The following EYS variants were observed in gnomAD, a reference collection of about 807,000 sequenced individuals.
The protein encoded by EYS is protein eyes shut homolog.
In EYS, 250 loss-of-function variants were observed where a neutral mutation model predicts 282.1. That is an observed-to-expected ratio of 0.89 (90% CI 0.80 to 0.98). The LOEUF (loss-of-function observed/expected upper bound fraction) is 0.98. EYS is among the 50% of genes least tolerant of loss of function. The probability of loss-of-function intolerance (pLI) is 0.00; values close to 1 mark genes in which losing one functional copy is unlikely to be tolerated. For missense variants in EYS, 4,016 were observed against 3,709.0 expected, an observed-to-expected ratio of 1.08 and a Z score of -2.15; for synonymous variants, 1,355 against 1,282.9, an observed-to-expected ratio of 1.06 and a Z score of -1.20.
intron 34 of EYS, among the ~76,000 whole-genome samples, chr6:63,984,883 A>G (rs1421716477): frequency 1.3e-5 from 2 of 151,538 alleles, no homozygotes; most frequent in Non-Finnish European, 3.0e-5. Context: ...TTACTTTGAA[A>G]TTTTTTTTGA....
intron 37 of EYS, among the ~76,000 whole-genome samples, chr6:63,793,013 G>C (rs1770555793): frequency 6.6e-6 from 1 of 152,176 alleles, no homozygotes; most frequent in Non-Finnish European, 1.5e-5. Context: ...TGGGAGTTCA[G>C]TGATAACGCA....
intron 24 of EYS, among the ~76,000 whole-genome samples, chr6:64,597,165 A>T (rs533570216): frequency 1.3e-5 from 2 of 152,228 alleles, no homozygotes; most frequent in Admixed American, 6.5e-5. Flanking sequence ...CTGCAATGAG[A>T]TATTATCTTA....
chr6:64,611,168 T>C (rs149474658), intron 24 of EYS, among the ~76,000 whole-genome samples: 1 of 152,212 alleles, frequency 6.6e-6, no homozygotes, highest in Non-Finnish European at 1.5e-5. Flanking sequence ...TTTTTTTTGT[T>C]GTTTGTGGTA....
At chr6:65,061,448 T>A (rs1312762583) in intron 12 of EYS, among the ~76,000 whole-genome samples, 1 of 151,912 alleles carries the variant, frequency 6.6e-6, no homozygotes, top group Non-Finnish European at 1.5e-5. Flanking sequence ...AGATTTCCCA[T>A]ATACTCACTC....
At chr6:65,691,420 G>A (rs1300794470) in intron 1 of EYS, among the ~76,000 whole-genome samples, 1 of 150,222 alleles carries the variant, frequency 6.7e-6, no homozygotes, top group African/African-American at 2.4e-5. Context: ...CCTACTTTTT[G>A]ATAGGGTTGT....
intron 26 of EYS, among the ~76,000 whole-genome samples, chr6:64,543,173 A>T (rs916789057): frequency 2.6e-5 from 4 of 152,138 alleles, no homozygotes; most frequent in Admixed American, 2.6e-4. Flanking sequence ...TTTAAGTTTC[A>T]AAGGAGAATT....
chr6:64,813,646 T>A, intron 21 of EYS, 69 bp from the exon 22 acceptor site: 1 of 958,424 alleles, frequency 1.0e-6, no homozygotes, highest in Non-Finnish European at 1.4e-6. Flanking sequence ...ATAATTATAT[T>A]TTTATTTAAA....
At chr6:65,596,218 C>T (rs985416991) in intron 2 of EYS, among the ~76,000 whole-genome samples, 2 of 152,018 alleles carry the variant, frequency 1.3e-5, no homozygotes, top group Non-Finnish European at 2.9e-5. Context: ...TGATTCACTT[C>T]GGTGTCCTTA....
intron 26 of EYS, among the ~76,000 whole-genome samples, chr6:64,449,093 A>T (rs192423103): frequency 6.6e-6 from 1 of 152,210 alleles, no homozygotes; most frequent in Non-Finnish European, 1.5e-5. Flanking sequence ...ATGGCAAAGA[A>T]GATAAAAACT....
At chr6:64,750,909 C>T (rs1300128319) in intron 22 of EYS, among the ~76,000 whole-genome samples, 1 of 152,138 alleles carries the variant, frequency 6.6e-6, no homozygotes, top group Admixed American at 6.5e-5. Context: ...CCTGAGCTGC[C>T]CCTCCCTTCC....
chr6:64,204,888 C>A (rs186158291), intron 31 of EYS, among the ~76,000 whole-genome samples: 1 of 152,116 alleles, frequency 6.6e-6, no homozygotes, highest in Non-Finnish European at 1.5e-5. Context: ...CCATAATATG[C>A]ACACTACAGT....
intron 13 of EYS, among the ~76,000 whole-genome samples, chr6:65,024,148 T>G (rs1348107251): frequency 1.3e-5 from 2 of 152,108 alleles, no homozygotes; most frequent in Non-Finnish European, 2.9e-5. Context: ...TCTGTAAACT[T>G]CTATCATTGT....
intron 23 of EYS, among the ~76,000 whole-genome samples, chr6:64,618,598 T>G (rs1385062321): frequency 6.6e-6 from 1 of 152,184 alleles, no homozygotes; most frequent in Non-Finnish European, 1.5e-5. Flanking sequence ...ACAAAACAAT[T>G]AAATACATAT....
intron 35 of EYS, among the ~76,000 whole-genome samples, chr6:63,919,882 A>G (rs766555456): frequency 4.6e-5 from 7 of 152,260 alleles, no homozygotes; most frequent in Admixed American, 3.9e-4. Flanking sequence ...CGACTGCCAC[A>G]TTCCCATGAA....
chr6:64,944,677 A>T (rs539689937), intron 15 of EYS, among the ~76,000 whole-genome samples: 56 of 152,012 alleles, frequency 3.7e-4, no homozygotes, highest in Non-Finnish European at 5.4e-4. Flanking sequence ...TAAAAGAGGA[A>T]AGCATCTTGC....
At chr6:65,106,447 C>T (rs988983223) in intron 12 of EYS, among the ~76,000 whole-genome samples, 1 of 151,982 alleles carries the variant, frequency 6.6e-6, no homozygotes, top group Non-Finnish European at 1.5e-5. Context: ...ATATTTGCCT[C>T]TCAAAATAAC....
At chr6:64,448,846 AC>A (rs1347427410) in intron 26 of EYS, among the ~76,000 whole-genome samples, 3 of 152,046 alleles carry the variant, frequency 2.0e-5, no homozygotes, top group Non-Finnish European at 4.4e-5. Context: ...CACACCAAAA[AC>A]CCATCTGTAT....
intron 22 of EYS, among the ~76,000 whole-genome samples, chr6:64,755,506 AC>A (rs1772906679): frequency 7.7e-6 from 1 of 129,876 alleles, no homozygotes; most frequent in Non-Finnish European, 1.7e-5. Flanking sequence ...ATACACACAC[AC>A]ACACACACAC....
At chr6:64,799,932 T>C (rs900108279) in intron 22 of EYS, among the ~76,000 whole-genome samples, 3 of 151,924 alleles carry the variant, frequency 2.0e-5, no homozygotes, top group Admixed American at 1.3e-4. Flanking sequence ...TTTGTCTCTC[T>C]ATAATATACA....
Sources: gnomAD v4.1 joint callset for allele counts (sites outside exome capture counted in the v4.1 genomes callset) on GRCh38, gnomAD v4.1.1 for gene constraint, MANE v1.5 for transcripts, NCBI Gene and HGNC (gene_info 2026-07-23, HGNC 2026-07-21) for gene names.